The following PTPRD variants were observed in gnomAD, a reference collection of about 807,000 sequenced individuals.
PTPRD encodes the protein protein tyrosine phosphatase receptor type D.
A neutral mutation model predicts 214.5 loss-of-function variants in PTPRD; 34 were observed. That is an observed-to-expected ratio of 0.16 (90% CI 0.12 to 0.21). The LOEUF (loss-of-function observed/expected upper bound fraction) is 0.21. PTPRD is among the 10% of genes least tolerant of loss of function. The pLI is 1.00. For missense variants in PTPRD, 2,545 were observed against 2,398.7 expected (o/e 1.06, Z -1.27); for synonymous variants, 1,128 against 845.7 (o/e 1.33, Z -5.79).
At chr9:8,950,678 C>T (rs922729217) in intron 11 of PTPRD, among the ~76,000 whole-genome samples, 4 of 151,492 alleles carry the variant, frequency 2.6e-5, no homozygotes, top group African/African-American at 9.7e-5. Context: ...GAATCCTATA[C>T]ACTATTAACA....
chr9:9,415,693 C>A (rs1212528445), intron 8 of PTPRD, among the ~76,000 whole-genome samples: 2 of 151,684 alleles, frequency 1.3e-5, no homozygotes, highest in Admixed American at 1.3e-4. Context: ...AATTTTTGAC[C>A]CAGTAAATTT....
At chr9:10,374,689 T>C (rs755540316) in intron 2 of PTPRD, among the ~76,000 whole-genome samples, 12 of 152,028 alleles carry the variant, frequency 7.9e-5, no homozygotes, top group Non-Finnish European at 1.2e-4. Flanking sequence ...TTTCCACACA[T>C]TTGCTAGCTC....
chr9:9,520,265 T>TTTTA (rs1025848184), intron 8 of PTPRD, among the ~76,000 whole-genome samples: 2 of 142,354 alleles, frequency 1.4e-5, no homozygotes, highest in African/African-American at 5.3e-5. Context: ...CTCCTAAAAG[T>TTTTA]TATATATATA....
rs115887101 is a variant in PTPRD at position 8,925,703 on chromosome 9, G to A, written c.-104+92994C>T. ...ATGCCATCCTCAACTTTTCCTTTAC[G>A]CCACACCTCTAGGCACCGAGTACTG... On this transcript the variant is annotated intron_variant, in intron 11 of 45. Coordinates refer to ENST00000381196, the MANE Select transcript of PTPRD (RefSeq NM_002839.4). Among the ~76,000 whole-genome samples, 333 of 150,584 alleles carry A rather than the reference G, an allele frequency of 2.2e-3. 1 individual carries two copies. Among genetic ancestry groups the A allele is most frequent in the African/African-American group, 7.9e-3 (324 of 40,916 alleles).
At chr9:10,145,363 C>T (rs1437508143) in intron 3 of PTPRD, among the ~76,000 whole-genome samples, 2 of 152,124 alleles carry the variant, frequency 1.3e-5, no homozygotes, top group African/African-American at 4.8e-5. Context: ...CCAGGACCCA[C>T]CTCCCCTCTT....
chr9:9,424,373 C>G (rs1321441817), intron 8 of PTPRD, among the ~76,000 whole-genome samples: 1 of 152,202 alleles, frequency 6.6e-6, no homozygotes, highest in Non-Finnish European at 1.5e-5. Flanking sequence ...ATTTTGGAAT[C>G]TGTCAACCTA....
intron 7 of PTPRD, among the ~76,000 whole-genome samples, chr9:9,670,027 A>T (rs1036973311): frequency 2.0e-5 from 3 of 152,164 alleles, no homozygotes; most frequent in Non-Finnish European, 2.9e-5. Flanking sequence ...AAAGAGGGAG[A>T]GATCTTAAAA....
rs1292252752 is a variant in PTPRD, at chr9:10,448,669, T to C, written c.-599-107652A>G. Among the ~76,000 whole-genome samples, 3 of 152,056 alleles carry C rather than the reference T, an allele frequency of 2.0e-5. No individual in the cohort carries two copies. The East Asian group carries it at 5.8e-4, about 29-fold the overall frequency. ...AAAATTACTTTTTTCCTATTTTACA[T>C]CTGAGGATATTAGAGCTAAGGATGT... On this transcript the variant is annotated intron_variant, in intron 2 of 45. Coordinates refer to ENST00000381196, the MANE Select transcript of PTPRD (RefSeq NM_002839.4).
At chr9:10,457,448 G>A (rs745922152) in intron 2 of PTPRD, among the ~76,000 whole-genome samples, 2 of 151,904 alleles carry the variant, frequency 1.3e-5, no homozygotes, top group Non-Finnish European at 2.9e-5. Context: ...TTCTGAGAAC[G>A]CTTCTTTCAG....
intron 12 of PTPRD, among the ~76,000 whole-genome samples, chr9:8,648,462 T>C (rs375918070): frequency 6.6e-6 from 1 of 152,204 alleles, no homozygotes; most frequent in African/African-American, 2.4e-5. Flanking sequence ...AGACAAAATC[T>C]GTGAAGTCAT....
intron 10 of PTPRD, among the ~76,000 whole-genome samples, chr9:9,027,887 C>A (rs1338823311): frequency 1.3e-5 from 2 of 151,920 alleles, no homozygotes; most frequent in African/African-American, 4.8e-5. Flanking sequence ...CAGTTCTTGT[C>A]ATATAAAGTG....
At chr9:10,098,886 G>T (rs192698301) in intron 3 of PTPRD, among the ~76,000 whole-genome samples, 3 of 151,740 alleles carry the variant, frequency 2.0e-5, no homozygotes, top group African/African-American at 7.3e-5. Context: ...CACCATTTCA[G>T]TTCCCAGTAT....
chr9:9,967,112 G>T (rs1408654679), intron 4 of PTPRD, among the ~76,000 whole-genome samples: 2 of 152,136 alleles, frequency 1.3e-5, no homozygotes, highest in Non-Finnish European at 1.5e-5. Context: ...TTTCAGTCAA[G>T]TTCTGTAGTC....
At chr9:10,365,590 G>A (rs115614015) in intron 2 of PTPRD, among the ~76,000 whole-genome samples, 70 of 152,148 alleles carry the variant, frequency 4.6e-4, no homozygotes, top group African/African-American at 1.7e-3. Flanking sequence ...TGTATTTTCT[G>A]AGACACTCCA....
chr9:8,571,903 T>A (rs1188357087), intron 14 of PTPRD, among the ~76,000 whole-genome samples: 1 of 152,098 alleles, frequency 6.6e-6, no homozygotes, highest in Admixed American at 6.6e-5. Context: ...GGAAAGTTTC[T>A]AGTGATGGTT....
At chr9:8,943,260 G>C (rs906992019) in intron 11 of PTPRD, among the ~76,000 whole-genome samples, 1 of 151,930 alleles carries the variant, frequency 6.6e-6, no homozygotes, top group East Asian at 1.9e-4. Flanking sequence ...ATTCTTCATA[G>C]AAATAGAAAA....
At chr9:9,075,404 G>A (rs1430884558) in intron 10 of PTPRD, among the ~76,000 whole-genome samples, 1 of 151,574 alleles carries the variant, frequency 6.6e-6, no homozygotes, top group African/African-American at 2.4e-5. Context: ...TTCGATATCG[G>A]TATTATTTAT....
intron 11 of PTPRD, among the ~76,000 whole-genome samples, chr9:8,954,128 T>C (rs769844277): frequency 1.3e-4 from 20 of 151,730 alleles, no homozygotes; most frequent in African/African-American, 1.9e-4. Context: ...CTAAAGAAAA[T>C]GCAGTACATA....
intron 35 of PTPRD, among the ~76,000 whole-genome samples, chr9:8,411,753 T>G (rs994668457): frequency 2.6e-5 from 4 of 152,218 alleles, no homozygotes; most frequent in African/African-American, 9.6e-5. Context: ...GCTATTTATC[T>G]CCTACATCAG....
Sources: gnomAD v4.1 joint callset for allele counts (sites outside exome capture counted in the v4.1 genomes callset) on GRCh38, gnomAD v4.1.1 for gene constraint, MANE v1.5 for transcripts, NCBI Gene and HGNC (gene_info 2026-07-23, HGNC 2026-07-21) for gene names.